Variants in PPM1H observed in about 807,000 individuals in gnomAD.
PPM1H encodes the protein protein phosphatase 1H.
Under a neutral mutation model 54.9 loss-of-function variants are expected in PPM1H, and 27 were observed. That is an observed-to-expected ratio of 0.49 (90% CI 0.36 to 0.68). PPM1H has a LOEUF of 0.68. PPM1H is among the 30% of genes least tolerant of loss of function. The pLI, the probability that PPM1H is intolerant of heterozygous loss-of-function variation, is 0.00. For synonymous variants in PPM1H, 305 were observed against 270.8 expected, an observed-to-expected ratio of 1.13 and a Z score of -1.24; for missense variants, 596 against 667.8, an observed-to-expected ratio of 0.89 and a Z score of 1.19.
intron 2 of PPM1H, among the ~76,000 whole-genome samples, chr12:62,826,629 T>A (rs1868294347): frequency 6.6e-6 from 1 of 152,226 alleles, no homozygotes; most frequent in African/African-American, 2.4e-5. Flanking sequence ...TATTAAAAAT[T>A]TTAGGTTTTC....
At chr12:62,750,321 T>C (rs1255030273) in intron 4 of PPM1H, among the ~76,000 whole-genome samples, 1 of 152,232 alleles carries the variant, frequency 6.6e-6, no homozygotes. Flanking sequence ...CTAATCTACT[T>C]TGTCTCTATG....
At chr12:62,784,956 A>G (rs1452192575) in intron 4 of PPM1H, among the ~76,000 whole-genome samples, 1 of 152,196 alleles carries the variant, frequency 6.6e-6, no homozygotes, top group African/African-American at 2.4e-5. Flanking sequence ...AGAAAACCCA[A>G]ATAATCAACT....
chr12:62,770,963 A>C (rs2076575569), intron 4 of PPM1H, among the ~76,000 whole-genome samples: 1 of 151,974 alleles, frequency 6.6e-6, no homozygotes, highest in South Asian at 2.1e-4. Context: ...CCAGCAATGC[A>C]GCTCTAGGCT....
At chr12:62,740,745 G>A (rs868315832) in intron 4 of PPM1H, among the ~76,000 whole-genome samples, 46 of 152,136 alleles carry the variant, frequency 3.0e-4, no homozygotes, top group African/African-American at 1.1e-3. Flanking sequence ...AGGGTCCAGC[G>A]CAAAATGAAA....
intron 5 of PPM1H, among the ~76,000 whole-genome samples, chr12:62,730,275 C>G (rs2076314200): frequency 6.6e-6 from 1 of 152,184 alleles, no homozygotes; most frequent in Non-Finnish European, 1.5e-5. Context: ...CCCGTTTAAG[C>G]TGTTACAAAC....
intron 8 of PPM1H, 46 bp downstream of exon 8, chr12:62,689,652 GA>G: frequency 2.0e-6 from 3 of 1,492,222 alleles, no homozygotes; most frequent in East Asian, 4.6e-5. Context: ...GAATAACGCC[GA>G]AAATGTTTTA....
chr12:62,817,456 T>C (rs1279450595), intron 2 of PPM1H, among the ~76,000 whole-genome samples: 1 of 147,206 alleles, frequency 6.8e-6, no homozygotes, highest in East Asian at 2.0e-4. Flanking sequence ...AGAGAGACCC[T>C]GTCTCAAAAA....
intron 1 of PPM1H, among the ~76,000 whole-genome samples, chr12:62,907,409 G>A (rs1463039064): frequency 1.3e-5 from 2 of 152,166 alleles, no homozygotes; most frequent in South Asian, 2.1e-4. Flanking sequence ...TGCAGTTTGA[G>A]TGTTCAGACC....
intron 1 of PPM1H, among the ~76,000 whole-genome samples, chr12:62,877,794 A>G (rs572538740): frequency 1.3e-5 from 2 of 152,350 alleles, no homozygotes; most frequent in African/African-American, 2.4e-5. Flanking sequence ...AGAGGTTTGC[A>G]CTATTAGACA....
chr12:62,694,224 G>A (rs1461121738), intron 6 of PPM1H, among the ~76,000 whole-genome samples: 1 of 152,132 alleles, frequency 6.6e-6, no homozygotes, highest in Admixed American at 6.5e-5. Context: ...GAGGAAATAA[G>A]TTGGCATATG....
intron 4 of PPM1H, among the ~76,000 whole-genome samples, chr12:62,748,691 T>C (rs2076425756): frequency 6.6e-6 from 1 of 152,190 alleles, no homozygotes; most frequent in South Asian, 2.1e-4. Flanking sequence ...AAAGACTAAT[T>C]GTCAAGCCCT....
chr12:62,787,901 G>A (rs2076682161), intron 4 of PPM1H, among the ~76,000 whole-genome samples: 1 of 152,084 alleles, frequency 6.6e-6, no homozygotes, highest in African/African-American at 2.4e-5. Flanking sequence ...CAAACACCCA[G>A]GGCACTCGAA....
At chr12:62,830,607 A>T (rs1477193824) in intron 2 of PPM1H, among the ~76,000 whole-genome samples, 1 of 152,124 alleles carries the variant, frequency 6.6e-6, no homozygotes, top group Admixed American at 6.5e-5. Context: ...TAACCATCCC[A>T]AAATTAAGTA....
intron 5 of PPM1H, among the ~76,000 whole-genome samples, chr12:62,735,371 C>T (rs1264746991): frequency 6.6e-6 from 1 of 151,924 alleles, no homozygotes; most frequent in Non-Finnish European, 1.5e-5. Flanking sequence ...ATCACCATGC[C>T]TGGCTAATTT....
At chr12:62,856,346 C>T (rs1869388013) in intron 1 of PPM1H, among the ~76,000 whole-genome samples, 1 of 152,184 alleles carries the variant, frequency 6.6e-6, no homozygotes, top group African/African-American at 2.4e-5. Flanking sequence ...GGCAATCTCT[C>T]AAAGTGGGGA....
chr12:62,873,452 G>A (rs974769651), intron 1 of PPM1H, among the ~76,000 whole-genome samples: 33 of 152,164 alleles, frequency 2.2e-4, no homozygotes, highest in African/African-American at 7.5e-4. Context: ...TTGCAGTCCC[G>A]AGAATGTTCA....
At chr12:62,736,709 C>A (rs554924217) in intron 5 of PPM1H, among the ~76,000 whole-genome samples, 22 of 152,194 alleles carry the variant, frequency 1.4e-4, no homozygotes, top group Admixed American at 7.2e-4. Context: ...CAGATGGGCA[C>A]TACTTTAGCT....
chr12:62,923,397 CTTTTT>C, intron 1 of PPM1H, among the ~76,000 whole-genome samples: 1 of 151,834 alleles, frequency 6.6e-6, no homozygotes. Flanking sequence ...ATTTTTTTTT[CTTTTT>C]TTGTTTTTTC....
At position 62,648,557 on chromosome 12, in the gene PPM1H, G is replaced by A; in HGVS notation, c.1477C>T (p.Arg493Ter). Residue 493 changes from arginine (R) to a stop codon, truncating the protein, a stop_gained, in exon 10 of 10, where the codon CGA becomes TGA. Coordinates refer to ENST00000228705, the MANE Select transcript of PPM1H (RefSeq NM_020700.2). LOFTEE classifies it high-confidence loss of function. Reference sequence around the variant, plus strand: ...GAAATGTCGTCTCCTGAGCCCAGTCGGTCATTAGATATCCGCCATCCTCTG... The same window carrying A: ...GAAATGTCGTCTCCTGAGCCCAGTCAGTCATTAGATATCCGCCATCCTCTG... ...KDRGWRISNDRLGSGDDISVY... is the reference protein window; with the variant it reads ...KDRGWRISND 1.9e-6 allele frequency: 3 copies of A among 1,613,922 alleles called. No homozygotes were observed. Among genetic ancestry groups the A allele is most frequent in the South Asian group, 1.1e-5 (1 of 91,080 alleles).
Sources: gnomAD v4.1 joint callset for allele counts (sites outside exome capture counted in the v4.1 genomes callset) on GRCh38, gnomAD v4.1.1 for gene constraint, MANE v1.5 for transcripts, NCBI Gene and HGNC (gene_info 2026-07-23, HGNC 2026-07-21) for gene names.